NXPH3: variants seen among roughly 807,000 people sequenced by gnomAD.
NXPH3 encodes the protein neurexophilin-3.
Under a neutral mutation model 18.8 loss-of-function variants are expected in NXPH3, and 7 were observed. The observed-to-expected ratio is 0.37, with a 90% confidence interval of 0.21 to 0.70. NXPH3 has a LOEUF of 0.70. Among genes scored for constraint, NXPH3 ranks in the 30% least tolerant of loss-of-function variants. The pLI, the probability that NXPH3 is intolerant of heterozygous loss-of-function variation, is 0.53. For missense variants in NXPH3, 282 were observed against 338.1 expected (o/e 0.83, Z 1.30); for synonymous variants, 101 against 137.3 (o/e 0.74, Z 1.85).
Position 49,576,545 on chromosome 17 carries a change from G to T in NXPH3, c.54+272G>T, listed in dbSNP as rs558210673. The stretch of plus-strand genomic sequence containing the variant: ...GCGCTCGGAAAAAGGCCTGGAGCCG[G>T]GTCGCCAGGGTTACCCTACCCCTTC... On this transcript the variant is annotated intron_variant, in intron 1 of 1. Transcript: ENST00000328741. Among the ~76,000 whole-genome samples, 4 of 152,138 alleles carry T rather than the reference G, an allele frequency of 2.6e-5. No individual in the cohort carries two copies. In the South Asian group the frequency reaches 6.2e-4, roughly 24 times the overall value.
rs755726477 is a variant in NXPH3, at chr17:49,579,408, G to C, written c.*108G>C. ...AAGGGGTTGGGCCTCAGGCAGGGAG[G>C]GGGGTGGAGACGAGGAGATGCCAAG... is the stretch of plus-strand genomic sequence containing the variant. On this transcript the variant is annotated 3_prime_UTR_variant, in exon 2 of 2. Transcript: ENST00000328741. The surrounding 1 kb of genome is among the most constrained non-coding windows in gnomAD (Gnocchi z 6.0). 1.4e-5 allele frequency: 14 copies of C among 989,650 alleles called. No homozygotes were observed. The East Asian group carries it at 2.0e-4, about 14-fold the overall frequency. 61.3% of individuals were successfully genotyped at this position (989,650 alleles called of 1,614,324 possible).
chr17:49,578,997 T>C lies in NXPH3; in HGVS notation c.456T>C (p.Ser152=). ...GNISISLVPP[S]KAVEFHQEQQ... ...TCTCCATCAGCCTCGTGCCCCCCAG[T>C]AAAGCTGTAGAGTTCCACCAGGAAC... is the stretch of plus-strand genomic sequence containing the variant. The change falls in exon 2 of 2, where the codon AGT becomes AGC. Residue 152 remains serine (S), a synonymous_variant. Transcript: ENST00000328741. This position sits in a 1 kb window ranked among gnomAD's most constrained non-coding sequence, Gnocchi z 4.5. The C allele has an allele frequency of 6.2e-7, 1 of 1,614,118 alleles. No individual in the cohort carries two copies. Among genetic ancestry groups the C allele is most frequent in the Non-Finnish European group, 8.5e-7 (1 of 1,180,020 alleles).
rs528116517 is a variant in NXPH3, at chr17:49,581,449, G to A, written c.*2149G>A. The A allele has an allele frequency of 9.9e-5, 60 of 604,088 alleles. No homozygotes were observed. Among genetic ancestry groups the A allele is most frequent in the South Asian group, 5.7e-4 (29 of 51,110 alleles). The allele number at this position is 604,088 out of a possible 1,614,324, so 37.4% of individuals were successfully genotyped here. On this transcript the variant is annotated 3_prime_UTR_variant, in exon 2 of 2. Coordinates refer to ENST00000328741, the MANE Select transcript of NXPH3 (RefSeq NM_007225.4). The stretch of plus-strand genomic sequence containing the variant: ...TCGCCCCTGCCCACCAGCGCTCCGC[G>A]CAAACTGGTCCCCTCATACTGCAGC...
At chr17:49,576,746 C>T (rs1004073059) in intron 1 of NXPH3, among the ~76,000 whole-genome samples, 21 of 137,524 alleles carry the variant, frequency 1.5e-4, no homozygotes, top group South Asian at 5.4e-4. Context: ...CTCCCGCCTT[C>T]CCTCCCGCTC....
rs539394297 is a variant in NXPH3, at chr17:49,576,270, T to C, written c.51T>C (p.Tyr17=). ...CFVFLVQGSL[Y]LVICGQDDGP... ...TGTTCCTGGTGCAGGGTAGCCTCTA[T>C]CTGGTGAGTGGTCCGAGGGGAGCTG... The change falls in exon 1 of 2, where the codon TAT becomes TAC. Residue 17 remains tyrosine (Y), a synonymous_variant. Coordinates refer to ENST00000328741, the MANE Select transcript of NXPH3 (RefSeq NM_007225.4). 1.3e-6 allele frequency: 2 copies of C among 1,566,762 alleles called. No homozygotes were observed. Among genetic ancestry groups the C allele is most frequent in the Non-Finnish European group, 1.7e-6 (2 of 1,156,230 alleles).
At position 49,579,365 on chromosome 17, in the gene NXPH3, T is replaced by G; in HGVS notation, c.*65T>G. The G allele has an allele frequency of 7.2e-7, 1 of 1,388,586 alleles. No individual in the cohort carries two copies. The highest frequency in any genetic ancestry group is 9.8e-7 in the Non-Finnish European group (1 of 1,016,184). 86.0% of individuals were successfully genotyped at this position (1,388,586 alleles called of 1,614,324 possible). ...ACAGGCCTGCCCATGCAGGAGACCA[T>G]CTGGACACCGGGCAGGGAAGGGGTT... On this transcript the variant is annotated 3_prime_UTR_variant, in exon 2 of 2. Transcript: ENST00000328741. This position sits in a 1 kb window ranked among gnomAD's most constrained non-coding sequence, Gnocchi z 6.0.
chr17:49,579,482 G>C lies in NXPH3; in HGVS notation c.*182G>C. The C allele has an allele frequency of 1.6e-6, 1 of 607,990 alleles. No homozygotes were observed. Among genetic ancestry groups the C allele is most frequent in the South Asian group, 2.0e-5 (1 of 49,556 alleles). 37.7% of individuals were successfully genotyped at this position (607,990 alleles called of 1,614,324 possible). A position where few individuals can be genotyped will look rare whatever the true frequency, so the allele number is the denominator to read the frequency against. On this transcript the variant is annotated 3_prime_UTR_variant, in exon 2 of 2. Transcript: ENST00000328741. This position sits in a 1 kb window ranked among gnomAD's most constrained non-coding sequence, Gnocchi z 6.0. ...TGGCAGAGAAAGGGTCCCAAGTGCTGGTCCCAACCTGAAGCTGTGGAGTGA... is the reference window on the plus strand; with the variant it reads ...TGGCAGAGAAAGGGTCCCAAGTGCTCGTCCCAACCTGAAGCTGTGGAGTGA...
In NXPH3 at chr17:49,580,657, C is replaced by T. The variant is rs1391678596; in HGVS notation, c.*1357C>T. ...GTAGAATGGGCCAATGAGGGTGTTC[C>T]TTGGTGTCCTCCCTGAACTGCCATC... On this transcript the variant is annotated 3_prime_UTR_variant, in exon 2 of 2. Coordinates refer to ENST00000328741, the MANE Select transcript of NXPH3 (RefSeq NM_007225.4). 1.3e-5 allele frequency: 2 copies of T among 152,408 alleles called. No individual in the cohort carries two copies. The highest frequency in any genetic ancestry group is 2.4e-5 in the African/African-American group (1 of 41,468). 9.4% of individuals were successfully genotyped at this position (152,408 alleles called of 1,614,324 possible).
intron 1 of NXPH3, 110 bp downstream of exon 1, chr17:49,576,383 G>T: frequency 8.0e-7 from 1 of 1,257,784 alleles, no homozygotes; most frequent in Admixed American, 2.0e-5. Flanking sequence ...GACATCCCGG[G>T]GATGGCGGGG....
chr17:49,576,030 A>C lies in NXPH3; in HGVS notation c.-190A>C. The C allele has an allele frequency of 3.7e-6, 2 of 536,918 alleles. No homozygotes were observed. Among genetic ancestry groups the C allele is most frequent in the Non-Finnish European group, 6.2e-6 (2 of 322,464 alleles). 33.3% of individuals were successfully genotyped at this position (536,918 alleles called of 1,614,324 possible). ...GTGCCGCGCGCAGCTGGACCAGGGG[A>C]GGGGGGCGGCGGCTGCACAGCTGGA... On this transcript the variant is annotated 5_prime_UTR_variant, in exon 1 of 2. Transcript: ENST00000328741.
Position 49,576,066 on chromosome 17 carries a change from CG to C in NXPH3, c.-150del, listed in dbSNP as rs2071569099. 1 of 758,236 alleles carries C rather than the reference CG, an allele frequency of 1.3e-6. No homozygotes were observed. 47.0% of individuals were successfully genotyped at this position (758,236 alleles called of 1,614,324 possible). A position where few individuals can be genotyped will look rare whatever the true frequency, so the allele number is the denominator to read the frequency against. Reference sequence around the variant, plus strand: ...GGCTGCACAGCTGGACCGAAGGGGGCGGGGTCGGCCCTGGGCGACCCGCTGA... The same window carrying C: ...GGCTGCACAGCTGGACCGAAGGGGGCGGGTCGGCCCTGGGCGACCCGCTGA... On this transcript the variant is annotated 5_prime_UTR_variant, in exon 1 of 2. Transcript: ENST00000328741.
chr17:49,581,582 G>A lies in NXPH3; in HGVS notation c.*2282G>A, dbSNP rs1597889327. 1 of 698,214 alleles carries A rather than the reference G, an allele frequency of 1.4e-6. No individual in the cohort carries two copies. Among genetic ancestry groups the A allele is most frequent in the South Asian group, 1.5e-5 (1 of 66,864 alleles). The allele number at this position is 698,214 out of a possible 1,614,324, so 43.3% of individuals were successfully genotyped here. On this transcript the variant is annotated 3_prime_UTR_variant, in exon 2 of 2. Coordinates refer to ENST00000328741, the MANE Select transcript of NXPH3 (RefSeq NM_007225.4). ...CTTCCAGGGGCCGTCTCTCCTGAGT[G>A]GAGATGTGAGACACACACCCCTCCT...
Position 49,583,793 on chromosome 17 carries a change from A to G in NXPH3, c.*4493A>G, listed in dbSNP as rs1302149928. The stretch of plus-strand genomic sequence containing the variant: ...CCTTGGCGTATTGTTAGGAAAATTA[A>G]ATGAGTTGCTCAATAAATGTTACTT... On this transcript the variant is annotated 3_prime_UTR_variant, in exon 2 of 2. Transcript: ENST00000328741. The G allele has an allele frequency of 3.3e-5, 5 of 152,194 alleles. No homozygotes were observed. The highest frequency in any genetic ancestry group is 1.2e-4 in the African/African-American group (5 of 41,444). The allele number at this position is 152,194 out of a possible 1,614,324, so 9.4% of individuals were successfully genotyped here.
Position 49,579,606 on chromosome 17 carries a change from T to G in NXPH3, c.*306T>G. 2.5e-6 allele frequency: 1 copy of G among 398,632 alleles called. No homozygotes were observed. Among genetic ancestry groups the G allele is most frequent in the South Asian group, 3.9e-5 (1 of 25,528 alleles). The allele number at this position is 398,632 out of a possible 1,614,324, so 24.7% of individuals were successfully genotyped here. A position where few individuals can be genotyped will look rare whatever the true frequency, so the allele number is the denominator to read the frequency against. On this transcript the variant is annotated 3_prime_UTR_variant, in exon 2 of 2. Coordinates refer to ENST00000328741, the MANE Select transcript of NXPH3 (RefSeq NM_007225.4). This position sits in a 1 kb window ranked among gnomAD's most constrained non-coding sequence, Gnocchi z 6.0. Reference sequence around the variant, plus strand: ...AGAGATGCTGGGTCCCCGAGGCCTGTGGGCAGGCCGATCAGTGTGGCCCCA... The same window carrying G: ...AGAGATGCTGGGTCCCCGAGGCCTGGGGGCAGGCCGATCAGTGTGGCCCCA...
rs948930509 is a variant in NXPH3, at chr17:49,579,671, C to G, written c.*371C>G. 4.5e-6 allele frequency: 1 copy of G among 223,282 alleles called. No homozygotes were observed. The highest frequency in any genetic ancestry group is 2.3e-5 in the African/African-American group (1 of 44,110). 13.8% of individuals were successfully genotyped at this position (223,282 alleles called of 1,614,324 possible). On this transcript the variant is annotated 3_prime_UTR_variant, in exon 2 of 2. Transcript: ENST00000328741. This position sits in a 1 kb window ranked among gnomAD's most constrained non-coding sequence, Gnocchi z 6.0. ...AGGAAGCTAAGCCCTTGGTTCTTGC[C>G]ATCCTGAGGAAAGATAGCAACAGGG... is the stretch of plus-strand genomic sequence containing the variant.
chr17:49,577,284 C>G (rs1387858504), intron 1 of NXPH3, among the ~76,000 whole-genome samples: 3 of 152,210 alleles, frequency 2.0e-5, no homozygotes, highest in Admixed American at 2.0e-4. Context: ...CCACAGCACA[C>G]AGCTGCCGGC....
At position 49,579,068 on chromosome 17, in the gene NXPH3, G is replaced by A. The variant is rs758990294; in HGVS notation, c.527G>A (p.Arg176Gln). 103 of 1,613,994 alleles carry A rather than the reference G, an allele frequency of 6.4e-5. No homozygotes were observed. The highest frequency in any genetic ancestry group is 8.3e-5 in the Non-Finnish European group (98 of 1,180,042). ...AAGGCCTCCAAAATCTTCAACTGCC[G>A]GATGGAGTGGGAGAAGGTAGAACGG... The part of the protein sequence containing the change: ...EAKASKIFNC[R>Q]MEWEKVERGR... The change falls in exon 2 of 2, where the codon CGG (arginine) becomes CAG (glutamine). Residue 176 changes from arginine (R) to glutamine (Q), a missense_variant. By Grantham distance (43) the Arg-to-Gln change is conservative. Coordinates refer to ENST00000328741, the MANE Select transcript of NXPH3 (RefSeq NM_007225.4). This position sits in a 1 kb window ranked among gnomAD's most constrained non-coding sequence, Gnocchi z 6.0.
Position 49,575,894 on chromosome 17 carries a change from C to G in NXPH3, c.-326C>G, listed in dbSNP as rs1021013212. ...CCAGCACATCTGGGCGAGAGCGGCG[C>G]CGCTGGAGCCGAGGGGGGCGCCGAG... On this transcript the variant is annotated 5_prime_UTR_variant, in exon 1 of 2. Coordinates refer to ENST00000328741, the MANE Select transcript of NXPH3 (RefSeq NM_007225.4). The surrounding 1 kb of genome is among the most constrained non-coding windows in gnomAD (Gnocchi z 4.3). 6.9e-6 allele frequency: 2 copies of G among 291,922 alleles called. No homozygotes were observed. The highest frequency in any genetic ancestry group is 2.2e-5 in the African/African-American group (1 of 44,858). The allele number at this position is 291,922 out of a possible 1,614,324, so 18.1% of individuals were successfully genotyped here.
In NXPH3 at chr17:49,576,269, A is replaced by G. The variant is rs1321530614; in HGVS notation, c.50A>G (p.Tyr17Cys). Residue 17 changes from tyrosine (Y) to cysteine (C), a missense_variant, in exon 1 of 2, where the codon TAT becomes TGT. Coordinates refer to ENST00000328741, the MANE Select transcript of NXPH3 (RefSeq NM_007225.4). Reference sequence around the variant, plus strand: ...GTGTTCCTGGTGCAGGGTAGCCTCTATCTGGTGAGTGGTCCGAGGGGAGCT... The same window carrying G: ...GTGTTCCTGGTGCAGGGTAGCCTCTGTCTGGTGAGTGGTCCGAGGGGAGCT... The part of the protein sequence containing the change: ...CFVFLVQGSL[Y>C]LVICGQDDGP... 3.2e-6 allele frequency: 5 copies of G among 1,566,908 alleles called. No individual in the cohort carries two copies. Among genetic ancestry groups the G allele is most frequent in the Non-Finnish European group, 4.3e-6 (5 of 1,156,250 alleles).
Sources: allele counts gnomAD v4.1 joint callset (sites outside exome capture counted in the v4.1 genomes callset), GRCh38; gene constraint gnomAD v4.1.1; non-coding constraint Gnocchi (gnomAD v3.1); transcripts MANE v1.5; gene names NCBI Gene and HGNC (gene_info 2026-07-23, HGNC 2026-07-21).